The following ATP13A5 variants were observed in gnomAD, a reference collection of about 807,000 sequenced individuals.
The protein encoded by ATP13A5 is ATPase 13A5, also known as probable cation-transporting ATPase 13A5.
A neutral mutation model predicts 150.2 loss-of-function variants in ATP13A5; 149 were observed. The observed-to-expected ratio is 0.99, with a 90% CI of 0.87 to 1.14. ATP13A5 has a LOEUF of 1.14. Ranked by LOEUF, ATP13A5 falls within the 50% of genes most tolerant of loss-of-function variation. ATP13A5 has a pLI of 0.00. For synonymous variants in ATP13A5, 497 were observed against 522.2 expected (o/e 0.95, Z 0.66); for missense variants, 1,383 against 1,449.3 (o/e 0.95, Z 0.74).
At chr3:193,342,145 A>C (rs1712152936) in intron 9 of ATP13A5, among the ~76,000 whole-genome samples, 2 of 152,258 alleles carry the variant, frequency 1.3e-5, no homozygotes, top group South Asian at 4.1e-4. Context: ...GAGATATAAA[A>C]GTTATTTATA....
intron 11 of ATP13A5, among the ~76,000 whole-genome samples, chr3:193,332,154 G>T (rs933164996): frequency 6.6e-6 from 1 of 152,112 alleles, no homozygotes; most frequent in Non-Finnish European, 1.5e-5. Context: ...CCATAATGTT[G>T]TCATGATTGT....
intron 9 of ATP13A5, among the ~76,000 whole-genome samples, chr3:193,338,146 G>T (rs967266663): frequency 6.6e-6 from 1 of 152,142 alleles, no homozygotes; most frequent in African/African-American, 2.4e-5. Context: ...AGACGATGGG[G>T]TTTTCTAAAT....
intron 10 of ATP13A5, among the ~76,000 whole-genome samples, chr3:193,334,662 A>G (rs570617297): frequency 6.6e-6 from 1 of 152,316 alleles, no homozygotes; most frequent in South Asian, 2.1e-4. Flanking sequence ...GAAGCAGCGT[A>G]TGGTCACAAG....
chr3:193,322,493 T>A lies in ATP13A5; in HGVS notation c.1756A>T (p.Lys586Ter). The change falls in exon 15 of 30, where the codon AAG (lysine) becomes TAG (stop). Residue 586 changes from lysine (K) to a stop codon, truncating the protein, a stop_gained and splice_region_variant. Coordinates refer to ENST00000342358, the MANE Select transcript of ATP13A5 (RefSeq NM_198505.4). LOFTEE classifies it high-confidence loss of function. ...TGATGTAAAGAAGGAAATCATACCT[T>A]ACTGGCTTTTGGTCCTGGTTTTATG... ...NIIKPGPKAS[K>*]SPVEAIITLC... 1 of 1,611,890 alleles carries A rather than the reference T, an allele frequency of 6.2e-7. No homozygotes were observed. The highest frequency in any genetic ancestry group is 2.2e-5 in the East Asian group (1 of 44,850).
At chr3:193,315,422 CT>C (rs1719012754) in intron 17 of ATP13A5, among the ~76,000 whole-genome samples, 1 of 152,002 alleles carries the variant, frequency 6.6e-6, no homozygotes. Context: ...TTTCTCAGTG[CT>C]TTGTCTTTTT....
chr3:193,331,637 G>A (rs1439524807), intron 11 of ATP13A5, among the ~76,000 whole-genome samples: 2 of 152,160 alleles, frequency 1.3e-5, no homozygotes, highest in Non-Finnish European at 2.9e-5. Context: ...CACAGAGGAG[G>A]TGCTCAGGAC....
In ATP13A5 at chr3:193,342,987, G is replaced by T. The variant is rs190768547; in HGVS notation, c.943+940C>A. Among the ~76,000 whole-genome samples the T allele has an allele frequency of 3.3e-3, 505 of 152,190 alleles. 3 individuals carry two copies. The highest frequency in any genetic ancestry group is 4.5e-3 in the Non-Finnish European group (308 of 68,004). On this transcript the variant is annotated intron_variant, in intron 9 of 29. Transcript: ENST00000342358. ...TTTCAACACATTAAAGGAGTATTTT[G>T]TAATTATACTGAACATATTTATGTT...
At chr3:193,354,023 C>T in intron 6 of ATP13A5, 104 bp downstream of exon 6, 2 of 894,730 alleles carry the variant, frequency 2.2e-6, no homozygotes, top group Non-Finnish European at 3.3e-6. Context: ...TCGCATGAAA[C>T]AAGATATCAT....
chr3:193,317,193 T>C (rs529538969), intron 17 of ATP13A5, among the ~76,000 whole-genome samples: 1 of 152,322 alleles, frequency 6.6e-6, no homozygotes, highest in East Asian at 1.9e-4. Flanking sequence ...TCTTTCTCTC[T>C]TATTTTATTA....
intron 17 of ATP13A5, among the ~76,000 whole-genome samples, chr3:193,317,515 A>C (rs559933470): frequency 6.6e-6 from 1 of 152,288 alleles, no homozygotes; most frequent in Non-Finnish European, 1.5e-5. Context: ...TTGATGGAGT[A>C]TTTATCCTGC....
chr3:193,319,083 C>A lies in ATP13A5; in HGVS notation c.1941G>T (p.Leu647=), dbSNP rs1719161003. ...ETVPKNFPQE[L]RSYTVQGFRV... ...GGAAGCCTTGCACCGTGTAACTCCT[C>A]AGTTCCTGTGGGAAATTCTTGGGCA... Residue 647 remains leucine (L), a synonymous_variant, in exon 17 of 30, where the codon CTG becomes CTT. Transcript: ENST00000342358. 1 of 1,613,870 alleles carries A rather than the reference C, an allele frequency of 6.2e-7. No homozygotes were observed. The highest frequency in any genetic ancestry group is 2.2e-5 in the East Asian group (1 of 44,880).
chr3:193,347,327 TCCAA>T (rs1712378623), intron 7 of ATP13A5, among the ~76,000 whole-genome samples: 1 of 138,702 alleles, frequency 7.2e-6, no homozygotes, highest in South Asian at 2.5e-4. Flanking sequence ...AAATGTTATC[TCCAA>T]CATACATGTA....
chr3:193,318,672 G>A lies in ATP13A5; in HGVS notation c.2033+319C>T, dbSNP rs540707003. On this transcript the variant is annotated intron_variant, in intron 17 of 29. Transcript: ENST00000342358. ...CACATAATGCTCTGAGGTTGAAGGA[G>A]CGTTGGTTGTTTTGATGGGATGAGA... 4.6e-4 allele frequency among the ~76,000 whole-genome samples: 70 copies of A among 152,252 alleles called. 1 individual carries two copies. The South Asian group carries it at 0.014, about 30-fold the overall frequency.
intron 7 of ATP13A5, among the ~76,000 whole-genome samples, chr3:193,347,083 G>A (rs1169990662): frequency 6.6e-6 from 1 of 152,152 alleles, no homozygotes; most frequent in East Asian, 1.9e-4. Flanking sequence ...TCACTTTCAA[G>A]TTATACCTTC....
In ATP13A5 at chr3:193,339,457, G is replaced by A. The variant is rs114325821; in HGVS notation, c.944-4358C>T. On this transcript the variant is annotated intron_variant, in intron 9 of 29. Transcript: ENST00000342358. ...GAAAACACATAGTTTTTTCAAATGC[G>A]CAGATGAATTAAATAAAAATGCCCA... 7.6e-3 allele frequency among the ~76,000 whole-genome samples: 1,159 copies of A among 152,160 alleles called. 13 individuals are homozygous for A. The highest frequency in any genetic ancestry group is 0.026 in the African/African-American group (1,084 of 41,518).
At chr3:193,377,265 C>T (rs921075101) in intron 1 of ATP13A5, among the ~76,000 whole-genome samples, 7 of 152,140 alleles carry the variant, frequency 4.6e-5, no homozygotes, top group Non-Finnish European at 8.8e-5. Context: ...AGCTTTAATT[C>T]TGAAGATTTT....
intron 5 of ATP13A5, among the ~76,000 whole-genome samples, chr3:193,359,184 C>T (rs964313771): frequency 6.6e-6 from 1 of 152,154 alleles, no homozygotes; most frequent in Non-Finnish European, 1.5e-5. Context: ...AGCAAAGCCC[C>T]TTTCCTCTCC....
chr3:193,364,406 T>C, intron 1 of ATP13A5, 126 bp from the exon 2 acceptor site: 1 of 1,140,466 alleles, frequency 8.8e-7, no homozygotes, highest in Non-Finnish European at 1.2e-6. Context: ...TTATAGGTGG[T>C]TAAATCAAGT....
At chr3:193,337,128 T>C (rs1711907407) in intron 9 of ATP13A5, among the ~76,000 whole-genome samples, 1 of 152,256 alleles carries the variant, frequency 6.6e-6, no homozygotes, top group Non-Finnish European at 1.5e-5. Flanking sequence ...TTGTAGATTC[T>C]GGATATTAGC....
Sources: allele counts gnomAD v4.1 joint callset (sites outside exome capture counted in the v4.1 genomes callset), GRCh38; gene constraint gnomAD v4.1.1; transcripts MANE v1.5; gene names NCBI Gene and HGNC (gene_info 2026-07-23, HGNC 2026-07-21).